SUMF1: variants seen among roughly 807,000 people sequenced by gnomAD.
SUMF1 encodes the protein formylglycine-generating enzyme.
Under a neutral mutation model 47.6 loss-of-function variants are expected in SUMF1, and 48 were observed. That is an observed-to-expected ratio of 1.01 (90% CI 0.80 to 1.28). The LOEUF (loss-of-function observed/expected upper bound fraction) is 1.28. SUMF1 is among the 50% of genes most tolerant of loss of function. The pLI, the probability that SUMF1 is intolerant of heterozygous loss-of-function variation, is 0.00. For synonymous variants in SUMF1, 230 were observed against 192.1 expected (o/e 1.20, Z -1.63); for missense variants, 571 against 485.4 (o/e 1.18, Z -1.66).
Position 4,146,793 on chromosome 3 carries a change from T to A in SUMF1, c.1015-78048A>T, listed in dbSNP as rs554038020. Among the ~76,000 whole-genome samples the A allele has an allele frequency of 3.3e-5, 5 of 152,034 alleles. No homozygotes were observed. The East Asian group carries it at 9.7e-4, about 29-fold the overall frequency. On this transcript the variant is annotated intron_variant and NMD_transcript_variant, in intron 8 of 12. Transcript: ENST00000448413. ...TGAGTGAGAACATGCAGTGTTTGGT[T>A]TTTTGTCCTTGCAATAGTTTGCTGA...
At chr3:4,229,860 T>A (rs1465407312) in intron 8 of SUMF1, among the ~76,000 whole-genome samples, 3 of 151,562 alleles carry the variant, frequency 2.0e-5, no homozygotes. Context: ...CAAAAAAAAA[T>A]TAATTAGCTG....
intron 7 of SUMF1, among the ~76,000 whole-genome samples, chr3:4,409,060 A>G (rs371715778): frequency 4.6e-5 from 7 of 152,310 alleles, no homozygotes; most frequent in South Asian, 2.1e-4. Context: ...AGGATTTTAA[A>G]CAGGGGAGTG....
intron 7 of SUMF1, among the ~76,000 whole-genome samples, chr3:4,401,961 G>A (rs983128331): frequency 2.0e-5 from 3 of 152,116 alleles, no homozygotes; most frequent in Non-Finnish European, 2.9e-5. Context: ...GCCCCTAGCT[G>A]GTAAGCTTAA....
At chr3:4,262,038 G>C (rs1263769500) in intron 8 of SUMF1, among the ~76,000 whole-genome samples, 1 of 152,078 alleles carries the variant, frequency 6.6e-6, no homozygotes, top group African/African-American at 2.4e-5. Flanking sequence ...TTTCAAAATG[G>C]CCAAAACTGA....
intron 9 of SUMF1, among the ~76,000 whole-genome samples, chr3:4,052,892 A>G (rs1311699398): frequency 6.6e-6 from 1 of 152,184 alleles, no homozygotes; most frequent in Non-Finnish European, 1.5e-5. Flanking sequence ...AACATTCCCC[A>G]TATCAGCAGT....
At chr3:4,135,149 G>C (rs966738883) in intron 8 of SUMF1, among the ~76,000 whole-genome samples, 1 of 152,040 alleles carries the variant, frequency 6.6e-6, no homozygotes, top group African/African-American at 2.4e-5. Flanking sequence ...TGATACCAAA[G>C]CCTGGCAGAG....
rs968242748 is a variant in SUMF1 at position 4,181,371 on chromosome 3, A to G, written c.1015-112626T>C. The stretch of plus-strand genomic sequence containing the variant: ...GCTTAAATCACTGGCCACCCTAGGG[A>G]GCATTCTTATTTAAAAGACTGCTTG... On this transcript the variant is annotated intron_variant and NMD_transcript_variant, in intron 8 of 12. Coordinates refer to the SUMF1 transcript ENST00000448413. 2.6e-4 allele frequency among the ~76,000 whole-genome samples: 40 copies of G among 152,206 alleles called. 4 individuals are homozygous for G. The highest frequency in any genetic ancestry group is 9.1e-4 in the African/African-American group (38 of 41,552).
intron 8 of SUMF1, among the ~76,000 whole-genome samples, chr3:4,134,450 C>T (rs914251953): frequency 6.6e-6 from 1 of 152,120 alleles, no homozygotes; most frequent in Non-Finnish European, 1.5e-5. Flanking sequence ...ACCAGAATCT[C>T]TGGGACACAT....
intron 8 of SUMF1, among the ~76,000 whole-genome samples, chr3:4,338,616 C>G (rs550483178): frequency 6.6e-6 from 1 of 152,068 alleles, no homozygotes; most frequent in Admixed American, 6.5e-5. Flanking sequence ...GAAATCAGGA[C>G]GCAAAGCAAT....
At chr3:4,280,234 A>C (rs957763187) in intron 8 of SUMF1, among the ~76,000 whole-genome samples, 4 of 152,180 alleles carry the variant, frequency 2.6e-5, no homozygotes, top group Non-Finnish European at 5.9e-5. Flanking sequence ...AAAATGTTTT[A>C]AAAAATTCCA....
chr3:4,384,238 T>G (rs1035703275), intron 7 of SUMF1, among the ~76,000 whole-genome samples: 1 of 152,218 alleles, frequency 6.6e-6, no homozygotes, highest in African/African-American at 2.4e-5. Context: ...ATGACTTTAT[T>G]TCTCCTTCAT....
At chr3:4,165,754 G>C (rs1017014903) in intron 8 of SUMF1, among the ~76,000 whole-genome samples, 2 of 151,856 alleles carry the variant, frequency 1.3e-5, no homozygotes, top group Non-Finnish European at 2.9e-5. Context: ...AAAGTTTGTG[G>C]GTCAAATTGG....
At chr3:4,142,476 G>T (rs1214395494) in intron 8 of SUMF1, among the ~76,000 whole-genome samples, 1 of 152,030 alleles carries the variant, frequency 6.6e-6, no homozygotes, top group Non-Finnish European at 1.5e-5. Flanking sequence ...CATATATTTT[G>T]TAATCCTTAA....
rs191495518 is a variant in SUMF1 at position 4,047,647 on chromosome 3, T to C, written c.1191+20922A>G. Among the ~76,000 whole-genome samples, 381 of 152,296 alleles carry C rather than the reference T, an allele frequency of 2.5e-3. 2 individuals are homozygous for C. The highest frequency in any genetic ancestry group is 8.7e-3 in the African/African-American group (363 of 41,554). Reference sequence around the variant, plus strand: ...CACCATTCCAGCCATACTAAGGAGATGCACCTCATTAGGTACTAAATGTTT... The same window carrying C: ...CACCATTCCAGCCATACTAAGGAGACGCACCTCATTAGGTACTAAATGTTT... On this transcript the variant is annotated intron_variant and NMD_transcript_variant, in intron 9 of 12. Coordinates refer to the SUMF1 transcript ENST00000448413.
At chr3:4,071,614 TG>T (rs35953000) in intron 8 of SUMF1, among the ~76,000 whole-genome samples, 2 of 152,072 alleles carry the variant, frequency 1.3e-5, no homozygotes, top group Non-Finnish European at 2.9e-5. Flanking sequence ...TGGAGCTTAG[TG>T]GGGGGAGGGG....
intron 8 of SUMF1, chr3:4,068,755 AT>A: frequency 2.8e-6 from 1 of 361,360 alleles, no homozygotes; most frequent in Non-Finnish European, 5.6e-6. Flanking sequence ...ACTAAAACAA[AT>A]AAGAAGAAGA....
At chr3:4,416,133 T>G (rs185575766) in intron 6 of SUMF1, among the ~76,000 whole-genome samples, 44 of 152,300 alleles carry the variant, frequency 2.9e-4, no homozygotes, top group African/African-American at 9.9e-4. Context: ...TATACACCAA[T>G]AGAGGAAAAC....
At chr3:4,129,213 T>C (rs1693728872) in intron 8 of SUMF1, among the ~76,000 whole-genome samples, 1 of 152,044 alleles carries the variant, frequency 6.6e-6, no homozygotes, top group Non-Finnish European at 1.5e-5. Context: ...ACTACAAAAT[T>C]TAAATACAAT....
intron 8 of SUMF1, among the ~76,000 whole-genome samples, chr3:4,289,370 T>C (rs1047060550): frequency 6.6e-6 from 1 of 152,182 alleles, no homozygotes; most frequent in Non-Finnish European, 1.5e-5. Flanking sequence ...ATTATCAACC[T>C]CATTTTATGG....
Sources: allele counts gnomAD v4.1 joint callset (sites outside exome capture counted in the v4.1 genomes callset), GRCh38; gene constraint gnomAD v4.1.1; transcripts MANE v1.5; gene names NCBI Gene and HGNC (gene_info 2026-07-23, HGNC 2026-07-21).